CDC73: variants seen among roughly 807,000 people sequenced by gnomAD.
The protein encoded by CDC73 is parafibromin.
A neutral mutation model predicts 83.7 loss-of-function variants in CDC73; 21 were observed. That is an observed-to-expected ratio of 0.25 (90% CI 0.18 to 0.36). The LOEUF is 0.36. CDC73 is among the 10% of genes least tolerant of loss of function. CDC73 has a pLI of 1.00. For synonymous variants in CDC73, 224 were observed against 212.9 expected, an observed-to-expected ratio of 1.05 and a Z score of -0.45; for missense variants, 342 against 653.3, an observed-to-expected ratio of 0.52 and a Z score of 5.19.
At chr1:193,206,923 A>T (rs1202613120) in intron 11 of CDC73, among the ~76,000 whole-genome samples, 1 of 152,236 alleles carries the variant, frequency 6.6e-6, no homozygotes, top group Non-Finnish European at 1.5e-5. Flanking sequence ...CAACCTCTCA[A>T]AATTCATTTA....
At chr1:193,240,439 G>A (rs1677838065) in intron 15 of CDC73, among the ~76,000 whole-genome samples, 2 of 152,150 alleles carry the variant, frequency 1.3e-5, no homozygotes, top group Admixed American at 6.5e-5. Flanking sequence ...TCTTCATACT[G>A]TTTGCCATAG....
intron 10 of CDC73, among the ~76,000 whole-genome samples, chr1:193,202,307 T>A (rs946590404): frequency 6.6e-6 from 1 of 152,106 alleles, no homozygotes. Context: ...AAAACAGTTA[T>A]GTCCCCTAAC....
At chr1:193,129,735 A>G (rs1481494227) in intron 2 of CDC73, among the ~76,000 whole-genome samples, 1 of 150,650 alleles carries the variant, frequency 6.6e-6, no homozygotes, top group Non-Finnish European at 1.5e-5. Context: ...CTGGTCTTTA[A>G]CTCCTGACCT....
Position 193,156,939 on chromosome 1 carries a change from T to C in CDC73, c.972+4495T>C, listed in dbSNP as rs1379509673. Among the ~76,000 whole-genome samples, 3 of 152,174 alleles carry C rather than the reference T, an allele frequency of 2.0e-5. No individual in the cohort carries two copies. The East Asian group carries it at 5.8e-4, about 29-fold the overall frequency. Reference sequence around the variant, plus strand: ...GTTCATACGGACTTTATGATCTGATTGGGGAGGGACACATTAGTCACACTA... The same window carrying C: ...GTTCATACGGACTTTATGATCTGATCGGGGAGGGACACATTAGTCACACTA... On this transcript the variant is annotated intron_variant, in intron 10 of 16. Coordinates refer to ENST00000367435, the MANE Select transcript of CDC73 (RefSeq NM_024529.5).
chr1:193,127,467 AAAAT>A (rs1194377203), intron 2 of CDC73, among the ~76,000 whole-genome samples: 2 of 152,186 alleles, frequency 1.3e-5, no homozygotes, highest in Non-Finnish European at 2.9e-5. Context: ...TAAGGGGAAA[AAAAT>A]AGCACCAGCT....
rs10672869 is a variant in CDC73 at position 193,177,358 on chromosome 1, C to CAAAAAAAAAAAAAAA, written c.972+24922_972+24936dup. Reference sequence around the variant, plus strand: ...TGAAACCCCATCTCTACTAAAAATACAAAAAAAAAAAAAAAAAAAAAATCA... The same window carrying CAAAAAAAAAAAAAAA: ...TGAAACCCCATCTCTACTAAAAATACAAAAAAAAAAAAAAAAAAAAAAAAAAAAAAAAAAAAATCA... On this transcript the variant is annotated intron_variant, in intron 10 of 16. Coordinates refer to ENST00000367435, the MANE Select transcript of CDC73 (RefSeq NM_024529.5). 1.8e-3 allele frequency among the ~76,000 whole-genome samples: 122 copies of CAAAAAAAAAAAAAAA among 69,438 alleles called. 5 individuals carry two copies. The highest frequency in any genetic ancestry group is 2.4e-3 in the Non-Finnish European group (92 of 38,626). 45.6% of individuals were successfully genotyped at this position (69,438 alleles called of 152,430 possible).
intron 10 of CDC73, among the ~76,000 whole-genome samples, chr1:193,197,187 T>C (rs1052405380): frequency 5.9e-5 from 9 of 152,206 alleles, no homozygotes; most frequent in African/African-American, 2.2e-4. Flanking sequence ...TCATTTGAGA[T>C]GACCATGAGG....
intron 10 of CDC73, among the ~76,000 whole-genome samples, chr1:193,163,114 T>G (rs1676367749): frequency 6.6e-6 from 1 of 151,998 alleles, no homozygotes; most frequent in African/African-American, 2.4e-5. Context: ...ATAGTAAATT[T>G]GTAGGTACAT....
intron 10 of CDC73, 69 bp from the exon 11 acceptor site, chr1:193,203,726 T>C: frequency 4.1e-6 from 5 of 1,228,688 alleles, no homozygotes; most frequent in Non-Finnish European, 6.0e-6. Context: ...GAGATTTCTT[T>C]GGAATAATTA....
intron 10 of CDC73, among the ~76,000 whole-genome samples, chr1:193,155,082 T>TA (rs1676183687): frequency 6.6e-6 from 1 of 152,246 alleles, no homozygotes; most frequent in Non-Finnish European, 1.5e-5. Context: ...AGATTTCTGT[T>TA]ATATGCAAGA....
chr1:193,153,948 C>T (rs538955546), intron 10 of CDC73, among the ~76,000 whole-genome samples: 1 of 152,292 alleles, frequency 6.6e-6, no homozygotes, highest in South Asian at 2.1e-4. Flanking sequence ...AGTAGAGCAA[C>T]AGCAAGGAGG....
At chr1:193,140,182 C>G (rs1384843440) in intron 6 of CDC73, among the ~76,000 whole-genome samples, 3 of 152,164 alleles carry the variant, frequency 2.0e-5, no homozygotes, top group Non-Finnish European at 4.4e-5. Flanking sequence ...TAGGGCTTAC[C>G]TTGTTTGTTT....
At chr1:193,175,940 T>C (rs1381642791) in intron 10 of CDC73, among the ~76,000 whole-genome samples, 2 of 152,166 alleles carry the variant, frequency 1.3e-5, no homozygotes, top group African/African-American at 4.8e-5. Flanking sequence ...CTCTCTGAAG[T>C]ATATAGGAGT....
chr1:193,221,432 A>C (rs1677468090), intron 13 of CDC73, among the ~76,000 whole-genome samples: 1 of 151,792 alleles, frequency 6.6e-6, no homozygotes, highest in Non-Finnish European at 1.5e-5. Flanking sequence ...TTTTTTAACC[A>C]ATTTTATGAT....
At chr1:193,129,716 T>C (rs983884319) in intron 2 of CDC73, among the ~76,000 whole-genome samples, 20 of 152,084 alleles carry the variant, frequency 1.3e-4, no homozygotes, top group African/African-American at 4.3e-4. Flanking sequence ...TGTTGCCATG[T>C]TGGCCAGGCT....
chr1:193,233,158 A>C lies in CDC73; in HGVS notation c.1316+4A>C. 2.5e-6 allele frequency: 4 copies of C among 1,605,726 alleles called. No homozygotes were observed. In the South Asian group the frequency reaches 4.4e-5, roughly 18 times the overall value. ...TTAAACTTATGCCTCAAGACTGGTAAGATAGTCTCTATATATATATCTTTT... is the reference window on the plus strand; with the variant it reads ...TTAAACTTATGCCTCAAGACTGGTACGATAGTCTCTATATATATATCTTTT... On this transcript the variant is annotated splice_donor_region_variant and intron_variant, in intron 14 of 16. Transcript: ENST00000367435.
chr1:193,204,118 A>T (rs781191529), intron 11 of CDC73, among the ~76,000 whole-genome samples: 2 of 151,014 alleles, frequency 1.3e-5, no homozygotes, highest in Non-Finnish European at 2.9e-5. Flanking sequence ...AAGCATAGTA[A>T]ATTATTTATT....
chr1:193,180,153 T>A, intron 10 of CDC73: 1 of 738,778 alleles, frequency 1.4e-6, no homozygotes, highest in South Asian at 3.3e-5. Context: ...ATTAACTTCT[T>A]CAGAAATTAA....
intron 10 of CDC73, chr1:193,180,225 A>C (rs1676689133): frequency 5.9e-6 from 8 of 1,345,364 alleles, no homozygotes; most frequent in Non-Finnish European, 8.0e-6. Context: ...CTACGGATGT[A>C]ATCAGTTCTA....
Sources: allele counts gnomAD v4.1 joint callset (sites outside exome capture counted in the v4.1 genomes callset), GRCh38; gene constraint gnomAD v4.1.1; transcripts MANE v1.5; gene names NCBI Gene and HGNC (gene_info 2026-07-23, HGNC 2026-07-21).